AKR1C1: variants seen among roughly 807,000 people sequenced by gnomAD.
The protein encoded by AKR1C1 is aldo-keto reductase family 1 member C1, also known as 20 alpha-hydroxysteroid dehydrogenase.
AKR1C1 carries 32 observed loss-of-function variants against 40.6 expected under a neutral mutation model. The ratio of observed to expected loss-of-function variants is 0.79; its 90% CI spans 0.60 to 1.06. AKR1C1 has a LOEUF of 1.06. Ranked by LOEUF, AKR1C1 falls within the 50% of genes least tolerant of loss-of-function variation. The probability of loss-of-function intolerance (pLI) is 0.00; values close to 1 mark genes in which losing one functional copy is unlikely to be tolerated. For missense variants in AKR1C1, 320 were observed against 363.5 expected (o/e 0.88, Z 0.97); for synonymous variants, 105 against 134.2 (o/e 0.78, Z 1.50).
intron 5 of AKR1C1, among the ~76,000 whole-genome samples, chr10:4,969,485 G>C (rs1009639804): frequency 6.1e-5 from 9 of 146,592 alleles, no homozygotes; most frequent in African/African-American, 1.8e-4. Flanking sequence ...GTCATCCATG[G>C]TAGAAAGAGA....
intron 3 of AKR1C1, chr10:4,967,559 A>G: frequency 1.1e-6 from 1 of 933,918 alleles, no homozygotes; most frequent in South Asian, 4.9e-5. Flanking sequence ...CTTAGCCATG[A>G]ATTCTTGGGT....
At chr10:4,974,266 TA>T (rs1374979268) in intron 7 of AKR1C1, among the ~76,000 whole-genome samples, 2 of 151,902 alleles carry the variant, frequency 1.3e-5, no homozygotes, top group Non-Finnish European at 2.9e-5. Context: ...ACATATGTGT[TA>T]TATAATATAT....
At chr10:4,976,489 T>G (rs1450944488) in intron 8 of AKR1C1, among the ~76,000 whole-genome samples, 2 of 152,194 alleles carry the variant, frequency 1.3e-5, no homozygotes, top group African/African-American at 4.8e-5. Flanking sequence ...AGCCAAACAC[T>G]GCATTTGCCT....
chr10:4,964,649 A>G (rs1836301662), intron 1 of AKR1C1, among the ~76,000 whole-genome samples: 3 of 152,244 alleles, frequency 2.0e-5, no homozygotes. Flanking sequence ...TACGTAAGTC[A>G]ATAATTGTAA....
At chr10:4,964,168 T>C (rs1836291747) in intron 1 of AKR1C1, among the ~76,000 whole-genome samples, 1 of 152,252 alleles carries the variant, frequency 6.6e-6, no homozygotes, top group Admixed American at 6.5e-5. Context: ...CTTGTTTCTC[T>C]GACAGGAAAA....
chr10:4,976,296 C>A (rs1326916790), intron 8 of AKR1C1, among the ~76,000 whole-genome samples: 1 of 152,168 alleles, frequency 6.6e-6, no homozygotes, highest in Non-Finnish European at 1.5e-5. Context: ...CAAATCTGTG[C>A]TTCTATCTTG....
In AKR1C1 at chr10:4,965,556, G is replaced by A. The variant is rs111670882; in HGVS notation, c.85-358G>A. On this transcript the variant is annotated intron_variant, in intron 1 of 8. Transcript: ENST00000380872. ...TGGGATTACAGGTGTGAGCCGCCAC[G>A]CCTGGCCATTCCTTGTGTTAATTTT... 1,533 of 164,460 alleles carry A rather than the reference G, an allele frequency of 9.3e-3. 31 individuals are homozygous for A. Among genetic ancestry groups the A allele is most frequent in the African/African-American group, 0.035 (1,452 of 41,768 alleles). The allele number at this position is 164,460 out of a possible 1,614,324, so 10.2% of individuals were successfully genotyped here. A position where few individuals can be genotyped will look rare whatever the true frequency, so the allele number is the denominator to read the frequency against.
At position 4,982,045 on chromosome 10, in the gene AKR1C1, C is replaced by G. The variant is rs1554771149; in HGVS notation, c.*4303C>G. The G allele has an allele frequency of 6.6e-6, 1 of 152,260 alleles. No individual in the cohort carries two copies. The allele number at this position is 152,260 out of a possible 1,614,324, so 9.4% of individuals were successfully genotyped here. ...GAGGCTCACTGTGGGGGGCGCACGG[C>G]AAGCTATTCAACATTACGTACAGGC... On this transcript the variant is annotated 3_prime_UTR_variant, in exon 9 of 9. Coordinates refer to ENST00000380872, the MANE Select transcript of AKR1C1 (RefSeq NM_001353.6).
chr10:4,977,832 G>A lies in AKR1C1; in HGVS notation c.*90G>A, dbSNP rs192167415. ...CTCTATGCTGGTGACTGGACACATC[G>A]CCTCTGGTTAAATCTCTCCTGCTTG... On this transcript the variant is annotated 3_prime_UTR_variant, in exon 9 of 9. Coordinates refer to ENST00000380872, the MANE Select transcript of AKR1C1 (RefSeq NM_001353.6). 16 of 1,457,180 alleles carry A rather than the reference G, an allele frequency of 1.1e-5. No homozygotes were observed. The highest frequency in any genetic ancestry group is 5.7e-5 in the African/African-American group (4 of 69,788). 90.3% of individuals were successfully genotyped at this position (1,457,180 alleles called of 1,614,324 possible).
chr10:4,968,208 C>G (rs1836359671), intron 3 of AKR1C1, 101 bp from the exon 4 acceptor site: 3 of 1,371,636 alleles, frequency 2.2e-6, no homozygotes, highest in African/African-American at 2.8e-5. Flanking sequence ...ACTGCATCAC[C>G]TACCTCATGG....
intron 3 of AKR1C1, chr10:4,967,384 G>C: frequency 9.4e-7 from 1 of 1,060,010 alleles, no homozygotes; most frequent in Non-Finnish European, 1.1e-6. Flanking sequence ...TGAAGCTGTG[G>C]TGTCCAGAAA....
rs60544039 is a variant in AKR1C1 at position 4,979,560 on chromosome 10, G to C, written c.*1818G>C. The C allele has an allele frequency of 8.4e-3, 1,265 of 149,878 alleles. 32 individuals are homozygous for C. The highest frequency in any genetic ancestry group is 0.029 in the African/African-American group (1,126 of 39,470). The allele number at this position is 149,878 out of a possible 1,614,324, so 9.3% of individuals were successfully genotyped here. ...TGACATTTTGTTAAAAGTTAGTAGT[G>C]AAGTGTGTAACGCTTAAGCAAACTT... On this transcript the variant is annotated 3_prime_UTR_variant, in exon 9 of 9. Coordinates refer to ENST00000380872, the MANE Select transcript of AKR1C1 (RefSeq NM_001353.6).
In AKR1C1 at chr10:4,982,602, C is replaced by T. The variant is rs1345203415; in HGVS notation, c.*4860C>T. ...CCTAACCCTGGACCCACTGGTGGTA[C>T]CCATCCACCCATCCTGGTAGCTTAA... On this transcript the variant is annotated 3_prime_UTR_variant, in exon 9 of 9. Coordinates refer to ENST00000380872, the MANE Select transcript of AKR1C1 (RefSeq NM_001353.6). 11 of 221,298 alleles carry T rather than the reference C, an allele frequency of 5.0e-5. No homozygotes were observed. Among genetic ancestry groups the T allele is most frequent in the Non-Finnish European group, 1.8e-5 (2 of 111,194 alleles). The allele number at this position is 221,298 out of a possible 1,614,324, so 13.7% of individuals were successfully genotyped here. A position where few individuals can be genotyped will look rare whatever the true frequency, so the allele number is the denominator to read the frequency against.
intron 5 of AKR1C1, among the ~76,000 whole-genome samples, chr10:4,970,809 G>A (rs1239471852): frequency 8.7e-6 from 1 of 114,594 alleles, no homozygotes; most frequent in Non-Finnish European, 1.7e-5. Context: ...GGGGACTGTT[G>A]TGGGGTGGGG....
At chr10:4,973,955 A>G (rs557050683) in intron 7 of AKR1C1, among the ~76,000 whole-genome samples, 1 of 151,390 alleles carries the variant, frequency 6.6e-6, no homozygotes, top group South Asian at 2.1e-4. Flanking sequence ...TGTCACATAT[A>G]TGACATATAT....
chr10:4,977,340 G>C (rs1393095603), intron 8 of AKR1C1, among the ~76,000 whole-genome samples: 1 of 152,170 alleles, frequency 6.6e-6, no homozygotes, highest in Admixed American at 6.5e-5. Context: ...CATATGTCTT[G>C]CTTATTCCTC....
intron 1 of AKR1C1, chr10:4,963,979 A>G: frequency 1.3e-6 from 1 of 744,662 alleles, no homozygotes; most frequent in East Asian, 2.4e-5. Flanking sequence ...GTAATACTAG[A>G]CCTGGCCTAA....
At chr10:4,967,477 A>G (rs1323426663) in intron 3 of AKR1C1, 5 of 989,466 alleles carry the variant, frequency 5.1e-6, no homozygotes, top group African/African-American at 1.7e-5. Context: ...GGAGTGTCTT[A>G]AACTACAGAC....
chr10:4,967,278 A>C, intron 3 of AKR1C1: 1 of 1,090,436 alleles, frequency 9.2e-7, no homozygotes, highest in Non-Finnish European at 1.2e-6. Flanking sequence ...CTGCCTCAAA[A>C]ACTTGAGGAA....
Sources: gnomAD v4.1 joint callset for allele counts (sites outside exome capture counted in the v4.1 genomes callset) on GRCh38, gnomAD v4.1.1 for gene constraint, MANE v1.5 for transcripts, NCBI Gene and HGNC (gene_info 2026-07-23, HGNC 2026-07-21) for gene names.